The following C16orf90 variants were observed in gnomAD, a reference collection of about 807,000 sequenced individuals.
C16orf90 encodes chromosome 16 open reading frame 90.
C16orf90 carries 17 observed loss-of-function variants against 17.1 expected under a neutral mutation model. The observed-to-expected ratio is 1.00, with a 90% CI of 0.68 to 1.49. The LOEUF is 1.49. Ranked by LOEUF, C16orf90 falls within the 40% of genes most tolerant of loss-of-function variation. The pLI is 0.00. For synonymous variants in C16orf90, 108 were observed against 95.8 expected (o/e 1.13, Z -0.75); for missense variants, 255 against 235.5 (o/e 1.08, Z -0.54).
At position 3,495,472 on chromosome 16, in the gene C16orf90, C is replaced by T; in HGVS notation, c.-51G>A. ...CAACCAGGACTTGGGTGCAGCAGGG[C>T]CCTGCTCTCCCCTGCCTAGGGGGTA... is the stretch of plus-strand genomic sequence containing the variant. On this transcript the variant is annotated 5_prime_UTR_variant, in exon 1 of 3. Transcript: ENST00000437192. 1 of 1,587,956 alleles carries T rather than the reference C, an allele frequency of 6.3e-7. No individual in the cohort carries two copies. The highest frequency in any genetic ancestry group is 8.6e-7 in the Non-Finnish European group (1 of 1,165,954).
Position 3,493,502 on chromosome 16 carries a change from T to C in C16orf90, c.*337A>G, listed in dbSNP as rs373573539. 61 of 198,234 alleles carry C rather than the reference T, an allele frequency of 3.1e-4. No individual in the cohort carries two copies. The highest frequency in any genetic ancestry group is 6.0e-4 in the Non-Finnish European group (57 of 94,752). 12.3% of individuals were successfully genotyped at this position (198,234 alleles called of 1,614,324 possible). The stretch of plus-strand genomic sequence containing the variant: ...AAGAACGTGCAGGCCTTGGCTTTTA[T>C]TGAGATCAGAGCTGTGGGCTCCCCG... On this transcript the variant is annotated 3_prime_UTR_variant, in exon 3 of 3. Transcript: ENST00000437192.
Position 3,495,367 on chromosome 16 carries a change from G to C in C16orf90, c.46+9C>G, listed in dbSNP as rs780064457. ...TCTCTTCCTGCCACTCCTCCCCACAGCCCGGCACCTTCTCTTATGTGCAGC... is the reference window on the plus strand; with the variant it reads ...TCTCTTCCTGCCACTCCTCCCCACACCCCGGCACCTTCTCTTATGTGCAGC... On this transcript the variant is annotated intron_variant, in intron 1 of 2. Coordinates refer to ENST00000437192, the MANE Select transcript of C16orf90 (RefSeq NM_001080524.2). 2.0e-5 allele frequency: 32 copies of C among 1,604,520 alleles called. No homozygotes were observed. The highest frequency in any genetic ancestry group is 2.6e-5 in the Non-Finnish European group (31 of 1,175,378).
Position 3,493,901 on chromosome 16 carries a change from A to G in C16orf90, c.487T>C (p.Trp163Arg). The G allele has an allele frequency of 6.2e-7, 1 of 1,608,404 alleles. No individual in the cohort carries two copies. The highest frequency in any genetic ancestry group is 8.5e-7 in the Non-Finnish European group (1 of 1,177,542). The change falls in exon 3 of 3, where the codon TGG (tryptophan) becomes CGG (arginine). Residue 163 changes from tryptophan to arginine, a missense_variant. Transcript: ENST00000437192. ...RLRPKRSWGT[W>R]EEAMCPLCKR... is the part of the protein sequence containing the mutation. Reference sequence around the variant, plus strand: ...CACAAGGGACACATGGCCTCTTCCCAGGTCCCCCAGGACCTCTTGGGCCTG... The same window carrying G: ...CACAAGGGACACATGGCCTCTTCCCGGGTCCCCCAGGACCTCTTGGGCCTG...
chr16:3,494,936 G>T, intron 1 of C16orf90, 59 bp from the exon 2 acceptor site: 1 of 1,283,970 alleles, frequency 7.8e-7, no homozygotes, highest in Non-Finnish European at 1.1e-6. Flanking sequence ...ATGAGGGGAG[G>T]GTGCAGTCAC....
intron 2 of C16orf90, 124 bp from the exon 3 acceptor site, chr16:3,494,111 T>A: frequency 1.3e-6 from 1 of 789,484 alleles, no homozygotes; most frequent in Non-Finnish European, 2.0e-6. Context: ...AGGAGGGCAA[T>A]GCTTCCTCCT....
Position 3,493,725 on chromosome 16 carries a change from C to T in C16orf90, c.*114G>A. The stretch of plus-strand genomic sequence containing the variant: ...AGGCCCAGGCCTGGGCGCTGGGCCG[C>T]TGCCTGGGCCACCCCATGTGGCAGG... On this transcript the variant is annotated 3_prime_UTR_variant, in exon 3 of 3. Transcript: ENST00000437192. 9.4e-7 allele frequency: 1 copy of T among 1,061,858 alleles called. No individual in the cohort carries two copies. Among genetic ancestry groups the T allele is most frequent in the Non-Finnish European group, 1.3e-6 (1 of 754,116 alleles). The allele number at this position is 1,061,858 out of a possible 1,614,324, so 65.8% of individuals were successfully genotyped here. A position where few individuals can be genotyped will look rare whatever the true frequency, so the allele number is the denominator to read the frequency against.
upstream of C16orf90, chr16:3,496,527 C>T (rs1200461949): frequency 3.6e-6 from 2 of 562,380 alleles, no homozygotes; most frequent in East Asian, 4.7e-5. Context: ...CGTGACCAGC[C>T]GGCCCACAGC....
rs367929322 is a variant in C16orf90, at chr16:3,494,798, C to T, written c.126G>A (p.Pro42=). The T allele has an allele frequency of 1.7e-4, 273 of 1,583,238 alleles. No individual in the cohort carries two copies. Among genetic ancestry groups the T allele is most frequent in the Non-Finnish European group, 1.1e-4 (123 of 1,166,454 alleles). Residue 42 remains proline (P), a synonymous_variant, in exon 2 of 3, where the codon CCG becomes CCA. Transcript: ENST00000437192. ...CCTGGGCACTGGGGCACTGCGGCTG[C>T]GGGGACCCCAGGCCCCCCTCGTAGA... ...PNIYEGGLGS[P]QPQCPSAQGS... is the part of the protein sequence containing the mutation.
chr16:3,496,637 G>C, upstream of C16orf90: 1 of 533,344 alleles, frequency 1.9e-6, no homozygotes, highest in Non-Finnish European at 3.7e-6. Context: ...TCTTCGCAAG[G>C]GCCGACAGGT....
chr16:3,495,658 C>T (rs185168278), upstream of C16orf90, among the ~76,000 whole-genome samples: 99 of 152,332 alleles, frequency 6.5e-4, 1 homozygote, highest in South Asian at 8.1e-3. Flanking sequence ...TCCCTGGTCC[C>T]TCTGGCTGGG....
chr16:3,495,517 G>A (rs1489659839), upstream of C16orf90: 23 of 1,548,614 alleles, frequency 1.5e-5, no homozygotes, highest in Non-Finnish European at 1.8e-5. Flanking sequence ...GTCTCCCCTG[G>A]CAACTGGTTC....
chr16:3,495,112 T>C (rs985125809), intron 1 of C16orf90, among the ~76,000 whole-genome samples: 2 of 152,198 alleles, frequency 1.3e-5, no homozygotes, highest in Non-Finnish European at 2.9e-5. Flanking sequence ...GCCTCGGGCC[T>C]TGGTACTAAG....
upstream of C16orf90, chr16:3,496,467 G>C: frequency 1.2e-6 from 1 of 840,660 alleles, no homozygotes; most frequent in Non-Finnish European, 1.9e-6. Context: ...ACGCTTAACG[G>C]ATGACGCGAG....
chr16:3,496,367 C>T, upstream of C16orf90: 4 of 1,213,160 alleles, frequency 3.3e-6, no homozygotes, highest in Non-Finnish European at 4.8e-6. Context: ...GTTTATGAGT[C>T]GCACCAACCG....
Position 3,494,697 on chromosome 16 carries a change from G to A in C16orf90, c.227C>T (p.Thr76Ile), listed in dbSNP as rs2037280831. The change falls in exon 2 of 3, where the codon ACT becomes ATT. Residue 76 changes from threonine (T) to isoleucine (I), a missense_variant. Transcript: ENST00000437192. The stretch of plus-strand genomic sequence containing the variant: ...CAGCCAGTGGCTCTCACACTGGCCA[G>A]TGGGTGGCGGGTGGCTCTCCAGGTA... The part of the protein sequence containing the change: ...GLYLESHPPP[T>I]GQCESHWLGR... 6.2e-7 allele frequency: 1 copy of A among 1,610,124 alleles called. No individual in the cohort carries two copies. The highest frequency in any genetic ancestry group is 1.7e-5 in the Admixed American group (1 of 59,706).
chr16:3,496,435 CA>C, upstream of C16orf90: 1 of 885,360 alleles, frequency 1.1e-6, no homozygotes. Flanking sequence ...GCTGGGAAAA[CA>C]AAACGGCCGT....
chr16:3,495,499 A>G (rs1376323556), upstream of C16orf90: 18 of 1,565,450 alleles, frequency 1.1e-5, no homozygotes, highest in Non-Finnish European at 1.4e-5. Flanking sequence ...TAGGGGGTAC[A>G]TTGGCAGGTC....
chr16:3,494,776 G>A lies in C16orf90; in HGVS notation c.148C>T (p.Gln50Ter). 6.3e-7 allele frequency: 1 copy of A among 1,594,654 alleles called. No individual in the cohort carries two copies. The highest frequency in any genetic ancestry group is 8.5e-7 in the Non-Finnish European group (1 of 1,171,170). The change falls in exon 2 of 3, where the codon CAG (glutamine) becomes TAG (stop). Residue 50 changes from glutamine to a stop codon, truncating the protein, a stop_gained. Coordinates refer to ENST00000437192, the MANE Select transcript of C16orf90 (RefSeq NM_001080524.2). LOFTEE classifies it high-confidence loss of function. ...CGGAAGTTCTTGGGCTTGCTTCCCTGGGCACTGGGGCACTGCGGCTGCGGG... is the reference window on the plus strand; with the variant it reads ...CGGAAGTTCTTGGGCTTGCTTCCCTAGGCACTGGGGCACTGCGGCTGCGGG... ...GSPQPQCPSA[Q>*]GSKPKNFRLR... is the part of the protein sequence containing the mutation.
Position 3,493,529 on chromosome 16 carries a change from CCT to C in C16orf90, c.*308_*309del. The C allele has an allele frequency of 3.9e-6, 1 of 255,268 alleles. No individual in the cohort carries two copies. Among genetic ancestry groups the C allele is most frequent in the Non-Finnish European group, 7.8e-6 (1 of 127,512 alleles). 15.8% of individuals were successfully genotyped at this position (255,268 alleles called of 1,614,324 possible). On this transcript the variant is annotated 3_prime_UTR_variant, in exon 3 of 3. Transcript: ENST00000437192. ...GAGATCAGAGCTGTGGGCTCCCCGG[CCT>C]CTCAGGGAGGCGGTGGCGGGGGGGC... is the stretch of plus-strand genomic sequence containing the variant.
Sources: allele counts gnomAD v4.1 joint callset (sites outside exome capture counted in the v4.1 genomes callset), GRCh38; gene constraint gnomAD v4.1.1; transcripts MANE v1.5; gene names NCBI Gene and HGNC (gene_info 2026-07-23, HGNC 2026-07-21).